FAM107B: variants seen among roughly 807,000 people sequenced by gnomAD.
FAM107B encodes family with sequence similarity 107 member B.
Under a neutral mutation model 31.5 loss-of-function variants are expected in FAM107B, and 21 were observed. The observed-to-expected ratio is 0.67, with a 90% confidence interval of 0.47 to 0.96. FAM107B has a LOEUF of 0.96. FAM107B is among the 40% of genes least tolerant of loss of function. The pLI, the probability that FAM107B is intolerant of heterozygous loss-of-function variation, is 0.00. For missense variants in FAM107B, 452 were observed against 377.1 expected (o/e 1.20, Z -1.64); for synonymous variants, 157 against 141.5 (o/e 1.11, Z -0.78).
chr10:14,594,273 A>G (rs1163706041), intron 2 of FAM107B, among the ~76,000 whole-genome samples: 2 of 152,184 alleles, frequency 1.3e-5, no homozygotes, highest in Admixed American at 1.3e-4. Flanking sequence ...TGGGAGGCCA[A>G]CGCAAAAGGA....
intron 2 of FAM107B, among the ~76,000 whole-genome samples, chr10:14,563,058 G>A (rs778516794): frequency 5.3e-5 from 8 of 152,102 alleles, no homozygotes; most frequent in South Asian, 2.1e-4. Flanking sequence ...GAAATAAAGC[G>A]GAAAAACTGT....
intron 2 of FAM107B, among the ~76,000 whole-genome samples, chr10:14,591,895 A>T (rs1321094691): frequency 6.6e-6 from 1 of 152,188 alleles, no homozygotes; most frequent in Non-Finnish European, 1.5e-5. Context: ...AATGTGGAAC[A>T]TTCTACGGAA....
intron 1 of FAM107B, among the ~76,000 whole-genome samples, chr10:14,704,967 C>T (rs979051697): frequency 2.8e-5 from 4 of 141,494 alleles, no homozygotes; most frequent in East Asian, 2.1e-4. Flanking sequence ...GAGCTTGCCG[C>T]GAGCCAAGAT....
rs116570676 is a variant in FAM107B at position 14,562,589 on chromosome 10, T to C, written c.470-32074A>G. Among the ~76,000 whole-genome samples the C allele has an allele frequency of 2.8e-3, 425 of 152,304 alleles. 1 individual carries two copies. Among genetic ancestry groups the C allele is most frequent in the African/African-American group, 9.6e-3 (399 of 41,558 alleles). The stretch of plus-strand genomic sequence containing the variant: ...GCAGGAAAACAGATGATCATCAAAT[T>C]TGGAGGCCTGTCCACAAAAGACAAA... On this transcript the variant is annotated intron_variant, in intron 2 of 4. Coordinates refer to ENST00000181796, the MANE Select transcript of FAM107B (RefSeq NM_031453.4).
At chr10:14,578,631 G>C (rs2131297574) in intron 2 of FAM107B, among the ~76,000 whole-genome samples, 1 of 152,294 alleles carries the variant, frequency 6.6e-6, no homozygotes. Context: ...TCCGGAAGCA[G>C]CTACTGGCCA....
At chr10:14,696,048 A>C (rs2688836) in intron 1 of FAM107B, among the ~76,000 whole-genome samples, 49,225 of 151,878 alleles carry the variant, frequency 0.32, 8,120 homozygotes, top group Admixed American at 0.36. Context: ...GGCATCCTTA[A>C]CTTGTACCAT....
At chr10:14,661,559 G>A (rs2131465206) in intron 2 of FAM107B, 1 of 152,340 alleles carries the variant, frequency 6.6e-6, no homozygotes, top group Middle Eastern at 3.4e-3. Context: ...CTGGTTCTCA[G>A]GCCTTTGGAC....
intron 2 of FAM107B, among the ~76,000 whole-genome samples, chr10:14,633,383 A>G (rs1853417715): frequency 6.6e-6 from 1 of 152,338 alleles, no homozygotes; most frequent in South Asian, 2.1e-4. Flanking sequence ...ATACCACTAT[A>G]CAAGATATAA....
intron 1 of FAM107B, among the ~76,000 whole-genome samples, chr10:14,689,001 C>T (rs918684010): frequency 2.0e-5 from 3 of 152,272 alleles, no homozygotes; most frequent in Non-Finnish European, 2.9e-5. Flanking sequence ...TCATGGGAAA[C>T]ATTTCATTTC....
At chr10:14,575,069 T>C (rs1022410028) in intron 2 of FAM107B, among the ~76,000 whole-genome samples, 5 of 152,216 alleles carry the variant, frequency 3.3e-5, no homozygotes, top group African/African-American at 1.2e-4. Context: ...AAGTTATCTG[T>C]ATGAGTCAAT....
intron 1 of FAM107B, among the ~76,000 whole-genome samples, chr10:14,761,317 A>C (rs546581747): frequency 1.5e-4 from 23 of 152,328 alleles, no homozygotes; most frequent in African/African-American, 5.5e-4. Context: ...ACAAATCAGC[A>C]TTTGCAATAT....
intron 2 of FAM107B, among the ~76,000 whole-genome samples, chr10:14,569,796 C>A (rs1169222229): frequency 6.6e-6 from 1 of 152,202 alleles, no homozygotes; most frequent in African/African-American, 2.4e-5. Flanking sequence ...GGCCGTGCTT[C>A]CCCAAACAAG....
chr10:14,721,664 A>T (rs539648800), intron 1 of FAM107B, among the ~76,000 whole-genome samples: 4 of 152,168 alleles, frequency 2.6e-5, no homozygotes, highest in Non-Finnish European at 4.4e-5. Flanking sequence ...GTGTCTGTTC[A>T]TATCCTTCAC....
At chr10:14,609,020 C>T (rs373050969) in intron 2 of FAM107B, among the ~76,000 whole-genome samples, 2 of 152,158 alleles carry the variant, frequency 1.3e-5, no homozygotes, top group East Asian at 1.9e-4. Context: ...AAGACAGATA[C>T]AATACATTGG....
intron 2 of FAM107B, among the ~76,000 whole-genome samples, chr10:14,650,269 C>T (rs576328782): frequency 1.3e-5 from 2 of 151,486 alleles, no homozygotes; most frequent in Admixed American, 6.6e-5. Context: ...GGAAAATAAA[C>T]GAATTCATTC....
At chr10:14,711,314 C>T (rs965448135) in intron 1 of FAM107B, among the ~76,000 whole-genome samples, 3 of 152,238 alleles carry the variant, frequency 2.0e-5, no homozygotes, top group African/African-American at 7.2e-5. Context: ...TCACCACTCA[C>T]TGATTGACTC....
At chr10:14,671,048 C>T (rs976841926) in intron 1 of FAM107B, among the ~76,000 whole-genome samples, 1 of 150,536 alleles carries the variant, frequency 6.6e-6, no homozygotes, top group African/African-American at 2.4e-5. Context: ...GTAAGTGTGT[C>T]CTGATTTCCT....
intron 2 of FAM107B, among the ~76,000 whole-genome samples, chr10:14,632,292 G>C (rs1348925511): frequency 8.9e-6 from 1 of 112,116 alleles, no homozygotes; most frequent in Non-Finnish European, 1.7e-5. Context: ...GGGACAGAGC[G>C]AGACTCTGTC....
chr10:14,757,531 C>A (rs1239348298), intron 1 of FAM107B, among the ~76,000 whole-genome samples: 3 of 152,108 alleles, frequency 2.0e-5, no homozygotes, highest in Admixed American at 2.0e-4. Flanking sequence ...ATTCAGTGAG[C>A]CAGACGGAGC....
Sources: gnomAD v4.1 joint callset for allele counts (sites outside exome capture counted in the v4.1 genomes callset) on GRCh38, gnomAD v4.1.1 for gene constraint, MANE v1.5 for transcripts, NCBI Gene and HGNC (gene_info 2026-07-23, HGNC 2026-07-21) for gene names.